Variants in ACVR1B observed in about 807,000 individuals in gnomAD.
The protein encoded by ACVR1B is activin A receptor type 1B, also known as activin receptor type-1B.
ACVR1B carries 15 observed loss-of-function variants against 55.6 expected under a neutral mutation model. The observed-to-expected ratio is 0.27, with a 90% confidence interval of 0.18 to 0.42. ACVR1B has a LOEUF of 0.42. Ranked by LOEUF, ACVR1B falls within the 10% of genes least tolerant of loss-of-function variation. The pLI is 1.00. For missense variants in ACVR1B, 359 were observed against 670.1 expected, an observed-to-expected ratio of 0.54 and a Z score of 5.13; for synonymous variants, 247 against 254.6, an observed-to-expected ratio of 0.97 and a Z score of 0.28.
chr12:51,953,471 A>T (rs1240124510), intron 1 of ACVR1B: 1 of 985,244 alleles, frequency 1.0e-6, no homozygotes, highest in African/African-American at 1.7e-5. Context: ...AACATGGTGA[A>T]GGTGTATGAA....
intron 3 of ACVR1B, among the ~76,000 whole-genome samples, chr12:51,979,889 G>C (rs532128990): frequency 6.6e-6 from 1 of 152,254 alleles, no homozygotes; most frequent in South Asian, 2.1e-4. Flanking sequence ...TGAGATGGGA[G>C]GCAAAAGACC....
intron 1 of ACVR1B, among the ~76,000 whole-genome samples, chr12:51,953,128 A>T (rs1941342029): frequency 6.6e-6 from 1 of 152,156 alleles, no homozygotes; most frequent in African/African-American, 2.4e-5. Flanking sequence ...CTCCTGACGT[A>T]CAAAGCCTGA....
intron 1 of ACVR1B, among the ~76,000 whole-genome samples, chr12:51,963,276 G>A (rs955634466): frequency 6.7e-6 from 1 of 150,142 alleles, no homozygotes; most frequent in Non-Finnish European, 1.5e-5. Flanking sequence ...ACAAAGTCTT[G>A]CTCCGTCACC....
At chr12:51,962,949 C>T (rs1941564004) in intron 1 of ACVR1B, among the ~76,000 whole-genome samples, 1 of 152,118 alleles carries the variant, frequency 6.6e-6, no homozygotes, top group South Asian at 2.1e-4. Flanking sequence ...TTGAAAAGGA[C>T]ACTGGTTTCC....
At chr12:51,993,928 ACCAGAAAGGCTTCT>A in intron 8 of ACVR1B, 43 bp from the exon 9 acceptor site, 1 of 1,601,372 alleles carries the variant, frequency 6.2e-7, no homozygotes, top group East Asian at 2.2e-5. Flanking sequence ...GAGCCTAGGG[ACCAGAAAGGCTTCT>A]CCAGGGCATG....
intron 1 of ACVR1B, among the ~76,000 whole-genome samples, chr12:51,974,508 C>A (rs1045439243): frequency 6.6e-6 from 1 of 151,568 alleles, no homozygotes; most frequent in Non-Finnish European, 1.5e-5. Context: ...GAAAAAAATT[C>A]GTGTGTGTGT....
chr12:51,980,953 A>C lies in ACVR1B; in HGVS notation c.581-16A>C. ...AATTTGCAATGTCAGGTTTCTTCCT[A>C]TTCTTTGGTTCACAGGGTTACCCCT... On this transcript the variant is annotated splice_polypyrimidine_tract_variant and intron_variant, in intron 3 of 8. Transcript: ENST00000257963. The C allele has an allele frequency of 1.3e-6, 2 of 1,571,802 alleles. No individual in the cohort carries two copies. Among genetic ancestry groups the C allele is most frequent in the Non-Finnish European group, 1.7e-6 (2 of 1,158,460 alleles).
chr12:51,967,132 C>T (rs773912675), intron 1 of ACVR1B, among the ~76,000 whole-genome samples: 3 of 151,664 alleles, frequency 2.0e-5, no homozygotes, highest in Non-Finnish European at 2.9e-5. Flanking sequence ...CCCAGCTACT[C>T]GGAAGGCTGA....
At chr12:51,961,604 C>T (rs1012885450) in intron 1 of ACVR1B, among the ~76,000 whole-genome samples, 1 of 152,128 alleles carries the variant, frequency 6.6e-6, no homozygotes, top group African/African-American at 2.4e-5. Flanking sequence ...GTCCCAGTTG[C>T]CTGAAACAAT....
At chr12:51,973,235 A>C (rs540050337) in intron 1 of ACVR1B, among the ~76,000 whole-genome samples, 3 of 152,246 alleles carry the variant, frequency 2.0e-5, no homozygotes, top group Admixed American at 6.5e-5. Context: ...CTGAAAGGCA[A>C]CTGTGGGTTT....
intron 1 of ACVR1B, among the ~76,000 whole-genome samples, chr12:51,974,436 T>C (rs931542542): frequency 1.3e-5 from 2 of 152,102 alleles, no homozygotes; most frequent in Non-Finnish European, 2.9e-5. Flanking sequence ...GACACACTTA[T>C]GTATGATAGT....
chr12:51,951,900 C>A lies in ACVR1B; in HGVS notation c.91+66C>A, dbSNP rs867982386. 2.9e-6 allele frequency: 3 copies of A among 1,046,718 alleles called. No homozygotes were observed. The East Asian group carries it at 1.1e-4, about 37-fold the overall frequency. The allele number at this position is 1,046,718 out of a possible 1,614,324, so 64.8% of individuals were successfully genotyped here. ...GCCCGGCAAGGGCGAGGCCTCGAGC[C>A]GCGGCCGCTGGACTACAGCGCGCCC... On this transcript the variant is annotated intron_variant, in intron 1 of 8. Transcript: ENST00000257963.
At chr12:51,973,249 C>T (rs1447607170) in intron 1 of ACVR1B, among the ~76,000 whole-genome samples, 1 of 152,180 alleles carries the variant, frequency 6.6e-6, no homozygotes, top group East Asian at 1.9e-4. Context: ...TGGGTTTGGG[C>T]TTGTGTCTCA....
chr12:51,992,082 G>A (rs754208608), intron 8 of ACVR1B, 89 bp downstream of exon 8: 4 of 1,552,178 alleles, frequency 2.6e-6, no homozygotes, highest in Non-Finnish European at 3.5e-6. Flanking sequence ...AGGCCCCAGA[G>A]GAGCCCCCTG....
chr12:51,967,891 A>G lies in ACVR1B; in HGVS notation c.92-7374A>G, dbSNP rs151238998. Among the ~76,000 whole-genome samples the G allele has an allele frequency of 1.3e-4, 20 of 152,314 alleles. No individual in the cohort carries two copies. The East Asian group carries it at 3.7e-3, about 28-fold the overall frequency. ...AGGCTGTTAATCACTATGTAATTAT[A>G]TCTCCCTAAAGGTGCTCTCAGTGAT... On this transcript the variant is annotated intron_variant, in intron 1 of 8. Transcript: ENST00000257963.
chr12:51,981,061 C>T lies in ACVR1B; in HGVS notation c.673C>T (p.Arg225Cys), dbSNP rs777215785. 3.7e-6 allele frequency: 6 copies of T among 1,613,972 alleles called. No homozygotes were observed. Among genetic ancestry groups the T allele is most frequent in the Non-Finnish European group, 5.1e-6 (6 of 1,179,954 alleles). ...TCGGTTTGGGGAAGTATGGCGGGGC[C>T]GCTGGAGGGGTGGTGATGTGGCTGT... ...KGRFGEVWRG[R>C]WRGGDVAVKI... is the part of the protein sequence containing the mutation. Residue 225 changes from arginine (R) to cysteine (C), a missense_variant, in exon 4 of 9, where the codon CGC (arginine) becomes TGC (cysteine). This residue lies in a region of ACVR1B where 119 missense variants were observed against 340.2 expected (regional missense o/e 0.35). Transcript: ENST00000257963.
chr12:51,989,897 A>G (rs1029139582), intron 7 of ACVR1B, among the ~76,000 whole-genome samples: 1 of 152,152 alleles, frequency 6.6e-6, no homozygotes, highest in African/African-American at 2.4e-5. Flanking sequence ...AGGAAGGAGA[A>G]TCACGTGAAC....
chr12:51,987,894 C>T (rs563401494), intron 7 of ACVR1B: 1 of 152,182 alleles, frequency 6.6e-6, no homozygotes, highest in Middle Eastern at 3.4e-3. Context: ...GATGGATATC[C>T]CATTTTCCCT....
chr12:51,953,041 G>A (rs1418548360), intron 1 of ACVR1B, among the ~76,000 whole-genome samples: 2 of 152,094 alleles, frequency 1.3e-5, no homozygotes, highest in Non-Finnish European at 2.9e-5. Context: ...AGCAGATGAA[G>A]GTTATATTTG....
Sources: gnomAD v4.1 joint callset for allele counts (sites outside exome capture counted in the v4.1 genomes callset) on GRCh38, gnomAD v4.1.1 for gene constraint, gnomAD v4.1.1 regional missense constraint, MANE v1.5 for transcripts, NCBI Gene and HGNC (gene_info 2026-07-23, HGNC 2026-07-21) for gene names.